The following TFPT variants were observed in gnomAD, a reference collection of about 807,000 sequenced individuals.
TFPT encodes the protein INO80 complex subunit F.
Under a neutral mutation model 28.8 loss-of-function variants are expected in TFPT, and 27 were observed. That is an observed-to-expected ratio of 0.94 (90% CI 0.69 to 1.29). The LOEUF (loss-of-function observed/expected upper bound fraction) is 1.29. TFPT is among the 50% of genes most tolerant of loss of function. The pLI is 0.00. For synonymous variants in TFPT, 152 were observed against 142.8 expected (o/e 1.06, Z -0.46); for missense variants, 330 against 338.0 (o/e 0.98, Z 0.19).
At chr19:54,110,227 C>G in intron 2 of TFPT, 106 bp from the exon 3 acceptor site, 5 of 1,225,312 alleles carry the variant, frequency 4.1e-6, no homozygotes, top group Non-Finnish European at 5.9e-6. Context: ...GGCCAAAGAC[C>G]ATCCCGTGGC....
intron 2 of TFPT, 139 bp from the exon 3 acceptor site, chr19:54,110,260 TC>T (rs2073416567): frequency 3.7e-6 from 3 of 811,234 alleles, no homozygotes; most frequent in Non-Finnish European, 6.1e-6. Flanking sequence ...CACCTTCCCA[TC>T]CCTCCGGCTC....
rs943883069 is a variant in TFPT, at chr19:54,108,707, C to T, written c.354-312G>A. 5.6e-5 allele frequency: 58 copies of T among 1,029,300 alleles called. No homozygotes were observed. In the East Asian group the frequency reaches 1.5e-3, roughly 27 times the overall value. The allele number at this position is 1,029,300 out of a possible 1,614,324, so 63.8% of individuals were successfully genotyped here. A position where few individuals can be genotyped will look rare whatever the true frequency, so the allele number is the denominator to read the frequency against. On this transcript the variant is annotated intron_variant, in intron 3 of 5. Transcript: ENST00000391759. ...ATTTCTGTACTTAATGTGATGTCAG[C>T]ACTTAGTAAACATTCATATGTGAGT...
At position 54,114,516 on chromosome 19, in the gene TFPT, G is replaced by A. The variant is rs1209744902; in HGVS notation, c.208C>T (p.Arg70Trp). 2.5e-6 allele frequency: 4 copies of A among 1,613,796 alleles called. No homozygotes were observed. In the African/African-American group the frequency reaches 4.0e-5, roughly 16 times the overall value. The change falls in exon 2 of 6, where the codon CGG becomes TGG. Residue 70 changes from arginine (R) to tryptophan (W), a missense_variant. By Grantham distance (101) the Arg-to-Trp change is moderately radical (BLOSUM62 -3). Transcript: ENST00000391759. ...TTTAATTCCCGCTGGCGCCGCCGCC[G>A]ACCCCGGGCTGCCTCTTCCTCTTCA... Reference protein sequence around the residue: ...RDEEEEAARGRRRRQRELNRR... With the variant: ...RDEEEEAARGWRRRQRELNRR...
At chr19:54,108,776 T>C (rs1004137244) in intron 3 of TFPT, 10 of 651,050 alleles carry the variant, frequency 1.5e-5, no homozygotes, top group Non-Finnish European at 1.5e-5. Flanking sequence ...TACAGAACGC[T>C]CCTCCTAATG....
chr19:54,114,074 AGAG>A (rs1474034566), intron 2 of TFPT, among the ~76,000 whole-genome samples: 3 of 152,174 alleles, frequency 2.0e-5, no homozygotes, highest in African/African-American at 2.4e-5. Context: ...GGGATGGAGG[AGAG>A]GAGAAGGGTC....
Position 54,115,236 on chromosome 19 carries a change from C to T in TFPT, c.23+11G>A, listed in dbSNP as rs2073590083. On this transcript the variant is annotated intron_variant, in intron 1 of 5. Coordinates refer to ENST00000391759, the MANE Select transcript of TFPT (RefSeq NM_013342.4). ...GGATTCGCACTTTTTCACAAGGGCTCAGCCACATACCCTTCTCTCTGCTCC... is the reference window on the plus strand; with the variant it reads ...GGATTCGCACTTTTTCACAAGGGCTTAGCCACATACCCTTCTCTCTGCTCC... 1 of 1,614,122 alleles carries T rather than the reference C, an allele frequency of 6.2e-7. No homozygotes were observed. The highest frequency in any genetic ancestry group is 8.5e-7 in the Non-Finnish European group (1 of 1,180,034).
rs1318689758 is a variant in TFPT, at chr19:54,114,702, T to TG, written c.24-3dup. On this transcript the variant is annotated splice_polypyrimidine_tract_variant and splice_region_variant and intron_variant, in intron 1 of 5. Transcript: ENST00000391759. ...TCAAAGCCCACGGCTGCCATGGTCC[T>TG]GAGAGGCAGGGAAAGGCTCAGGGGC... 6.2e-7 allele frequency: 1 copy of TG among 1,611,208 alleles called. No homozygotes were observed. Among genetic ancestry groups the TG allele is most frequent in the African/African-American group, 1.3e-5 (1 of 74,808 alleles).
chr19:54,114,527 GC>G lies in TFPT; in HGVS notation c.196del (p.Ala66GlnfsTer12). The G allele has an allele frequency of 6.2e-7, 1 of 1,613,996 alleles. No individual in the cohort carries two copies. Among genetic ancestry groups the G allele is most frequent in the South Asian group, 1.1e-5 (1 of 91,080 alleles). On this transcript the variant is annotated frameshift_variant, in exon 2 of 6. Transcript: ENST00000391759. LOFTEE classifies it high-confidence loss of function. The part of the protein sequence containing the change: ...GLRERDEEEE[A>X]ARGRRRRQRE... ...CTGGCGCCGCCGCCGACCCCGGGCT[GC>G]CTCTTCCTCTTCATCTCGCTCCCGG...
intron 2 of TFPT, among the ~76,000 whole-genome samples, chr19:54,114,125 G>T (rs1297897686): frequency 6.6e-6 from 1 of 152,204 alleles, no homozygotes; most frequent in Non-Finnish European, 1.5e-5. Context: ...GAGTCGAGAG[G>T]AGTGAATCCT....
At position 54,115,494 on chromosome 19, in the gene TFPT, G is replaced by A; in HGVS notation, c.-225C>T. 1.6e-6 allele frequency: 1 copy of A among 609,976 alleles called. No individual in the cohort carries two copies. The highest frequency in any genetic ancestry group is 2.9e-6 in the Non-Finnish European group (1 of 346,436). 37.8% of individuals were successfully genotyped at this position (609,976 alleles called of 1,614,324 possible). A position where few individuals can be genotyped will look rare whatever the true frequency, so the allele number is the denominator to read the frequency against. On this transcript the variant is annotated 5_prime_UTR_variant, in exon 1 of 6. Transcript: ENST00000391759. ...TAAAGGCCTTGCTTTCTTGTCTAAC[G>A]CCGCAACCAGTCCTCTGAGTTGCCA... is the stretch of plus-strand genomic sequence containing the variant.
chr19:54,107,321 T>G, intron 5 of TFPT, 152 bp from the exon 6 acceptor site: 1 of 1,022,514 alleles, frequency 9.8e-7, no homozygotes, highest in Non-Finnish European at 1.4e-6. Context: ...CCATCATAGT[T>G]CACTGCAGCC....
rs545448952 is a variant in TFPT at position 54,108,054 on chromosome 19, G to C, written c.614C>G (p.Ala205Gly). 5.9e-6 allele frequency: 9 copies of C among 1,537,202 alleles called. No individual in the cohort carries two copies. The highest frequency in any genetic ancestry group is 7.0e-6 in the Non-Finnish European group (8 of 1,143,404). The change falls in exon 5 of 6, where the codon GCG becomes GGG. Residue 205 changes from alanine (A) to glycine (G), a missense_variant. Physicochemically the swap from Ala to Gly is moderately conservative, Grantham distance 60. Coordinates refer to ENST00000391759, the MANE Select transcript of TFPT (RefSeq NM_013342.4). Reference protein sequence around the residue: ...VPRDGRRAGNALTPELAPVQI... With the variant: ...VPRDGRRAGNGLTPELAPVQI... ...CACCGGGGCCAGCTCTGGAGTCAGC[G>C]CATTTCCTGCTCGGCGTCCATCCCG...
At position 54,115,307 on chromosome 19, in the gene TFPT, C is replaced by G; in HGVS notation, c.-38G>C. On this transcript the variant is annotated 5_prime_UTR_variant, in exon 1 of 6. Coordinates refer to ENST00000391759, the MANE Select transcript of TFPT (RefSeq NM_013342.4). ...CGGAAGCCCCGGGCCTCAGAGCTTC[C>G]GACCTCTTCAATCTGTAGGTTAAGC... 6.2e-7 allele frequency: 1 copy of G among 1,613,808 alleles called. No individual in the cohort carries two copies. Among genetic ancestry groups the G allele is most frequent in the East Asian group, 2.2e-5 (1 of 44,878 alleles).
At chr19:54,107,784 C>T (rs929969110) in intron 5 of TFPT, among the ~76,000 whole-genome samples, 1 of 152,144 alleles carries the variant, frequency 6.6e-6, no homozygotes, top group Non-Finnish European at 1.5e-5. Context: ...TTACCCAAGC[C>T]TTTACCCCAC....
In TFPT at chr19:54,115,398, T is replaced by C; in HGVS notation, c.-129A>G. 3.8e-6 allele frequency: 5 copies of C among 1,322,960 alleles called. No homozygotes were observed. The highest frequency in any genetic ancestry group is 5.3e-6 in the Non-Finnish European group (5 of 937,040). 82.0% of individuals were successfully genotyped at this position (1,322,960 alleles called of 1,614,324 possible). A position where few individuals can be genotyped will look rare whatever the true frequency, so the allele number is the denominator to read the frequency against. Reference sequence around the variant, plus strand: ...GGACGGCGGGACGTGGCCCTAGGCCTTGTGGGAGTTGTAGTTTCCTGTTTC... The same window carrying C: ...GGACGGCGGGACGTGGCCCTAGGCCCTGTGGGAGTTGTAGTTTCCTGTTTC... On this transcript the variant is annotated 5_prime_UTR_variant, in exon 1 of 6. Transcript: ENST00000391759.
rs1006129096 is a variant in TFPT, at chr19:54,110,454, C to T, written c.283-333G>A. 5.9e-5 allele frequency among the ~76,000 whole-genome samples: 9 copies of T among 152,154 alleles called. No individual in the cohort carries two copies. The East Asian group carries it at 7.7e-4, about 13-fold the overall frequency. On this transcript the variant is annotated intron_variant, in intron 2 of 5. Coordinates refer to ENST00000391759, the MANE Select transcript of TFPT (RefSeq NM_013342.4). ...AAGTCGAAACACACCAGGCCAGGTGCGGTGGCTCACGCCTGTAATCCCAGC... is the reference window on the plus strand; with the variant it reads ...AAGTCGAAACACACCAGGCCAGGTGTGGTGGCTCACGCCTGTAATCCCAGC...
rs376106781 is a variant in TFPT at position 54,108,134 on chromosome 19, G to A, written c.534C>T (p.Pro178=). Residue 178 remains proline (P), a synonymous_variant, in exon 5 of 6, where the codon CCC becomes CCT. Transcript: ENST00000391759. ...PPRRTPAPPE[P]GSPAPGEGPS... ...GCCCCTCACCGGGGGCTGGGCTGCC[G>A]GGTTCTGGGGGTGCAGGAGTCCTTC... The A allele has an allele frequency of 7.0e-6, 11 of 1,581,002 alleles. No homozygotes were observed. The highest frequency in any genetic ancestry group is 3.6e-5 in the Admixed American group (2 of 55,546).
At chr19:54,114,731 G>T in intron 1 of TFPT, 31 bp from the exon 2 acceptor site, 1 of 1,594,234 alleles carries the variant, frequency 6.3e-7, no homozygotes, top group South Asian at 1.1e-5. Flanking sequence ...CAGGGGCCCT[G>T]GATCCTGGAC....
In TFPT at chr19:54,114,425, G is replaced by A. The variant is rs759547956; in HGVS notation, c.282+17C>T. On this transcript the variant is annotated intron_variant, in intron 2 of 5. Coordinates refer to ENST00000391759, the MANE Select transcript of TFPT (RefSeq NM_013342.4). ...AGGCCAGGGGACCCCAAAACCGGGGGATCCGCACTCACCTACCTGCTCGAT... is the reference window on the plus strand; with the variant it reads ...AGGCCAGGGGACCCCAAAACCGGGGAATCCGCACTCACCTACCTGCTCGAT... The A allele has an allele frequency of 1.9e-5, 30 of 1,605,050 alleles. No individual in the cohort carries two copies. The highest frequency in any genetic ancestry group is 2.3e-5 in the Non-Finnish European group (27 of 1,174,802).
Sources: allele counts gnomAD v4.1 joint callset (sites outside exome capture counted in the v4.1 genomes callset), GRCh38; gene constraint gnomAD v4.1.1; transcripts MANE v1.5; gene names NCBI Gene and HGNC (gene_info 2026-07-23, HGNC 2026-07-21).